Variants in COL13A1 observed in about 807,000 individuals in gnomAD.
COL13A1 encodes the protein collagen type XIII alpha 1 chain, also known as collagen alpha-1(XIII) chain.
Under a neutral mutation model 130.9 loss-of-function variants are expected in COL13A1, and 89 were observed. The observed-to-expected ratio is 0.68, with a 90% CI of 0.57 to 0.81. The LOEUF (loss-of-function observed/expected upper bound fraction) is 0.81, where lower values mean the gene tolerates loss of function less well. Among genes scored for constraint, COL13A1 ranks in the 30% least tolerant of loss-of-function variants. The pLI is 0.00. For synonymous variants in COL13A1, 402 were observed against 341.6 expected (o/e 1.18, Z -1.95); for missense variants, 879 against 934.6 (o/e 0.94, Z 0.78).
Position 69,922,816 on chromosome 10 carries a change from T to C in COL13A1, c.1230+22T>C, listed in dbSNP as rs781151537. ...AAAGGTGAGTGTTCCCTGGAATTGG[T>C]GTTGGGGAGGTGCTTACCTGGGGAC... On this transcript the variant is annotated intron_variant, in intron 23 of 40. Transcript: ENST00000645393. 5.9e-6 allele frequency: 9 copies of C among 1,523,660 alleles called. No homozygotes were observed. In the Admixed American group the frequency reaches 1.4e-4, roughly 24 times the overall value. The allele number at this position is 1,523,660 out of a possible 1,614,324, so 94.4% of individuals were successfully genotyped here.
chr10:69,823,161 AC>A (rs1846548407), intron 2 of COL13A1, among the ~76,000 whole-genome samples: 2 of 152,320 alleles, frequency 1.3e-5, no homozygotes, highest in East Asian at 1.9e-4. Flanking sequence ...ACAGCTGCGT[AC>A]TAAGGACCTG....
intron 39 of COL13A1, among the ~76,000 whole-genome samples, chr10:69,953,782 C>T (rs549582237): frequency 1.3e-5 from 2 of 152,296 alleles, no homozygotes; most frequent in African/African-American, 4.8e-5. Context: ...AAAGAGAGCA[C>T]AAAAGCTGGA....
intron 17 of COL13A1, among the ~76,000 whole-genome samples, chr10:69,908,252 C>T (rs990181264): frequency 2.0e-5 from 3 of 152,194 alleles, no homozygotes; most frequent in South Asian, 2.1e-4. Flanking sequence ...GTTGCCATAA[C>T]CACATGGCTT....
At chr10:69,924,596 G>T (rs183896937) in intron 24 of COL13A1, among the ~76,000 whole-genome samples, 175 of 152,152 alleles carry the variant, frequency 1.2e-3, no homozygotes, top group South Asian at 5.6e-3. Context: ...TTGGCAAAAA[G>T]CTGCTGAGTC....
rs199957910 is a variant in COL13A1 at position 69,949,984 on chromosome 10, A to G, written c.2058+2642A>G. On this transcript the variant is annotated intron_variant, in intron 38 of 40. Transcript: ENST00000645393. ...TGTGTGCGTGTGTGTGTGTGTGTGC[A>G]TGTGTTTGTGTGTGCGTGTGTGTGT... Among the ~76,000 whole-genome samples the G allele has an allele frequency of 2.7e-5, 4 of 147,018 alleles. No individual in the cohort carries two copies. The East Asian group carries it at 6.2e-4, about 23-fold the overall frequency.
intron 17 of COL13A1, among the ~76,000 whole-genome samples, chr10:69,913,341 C>A (rs984219811): frequency 6.6e-6 from 1 of 152,194 alleles, no homozygotes; most frequent in Non-Finnish European, 1.5e-5. Flanking sequence ...CAAGAGGGGG[C>A]AGAGATAGAG....
chr10:69,927,149 CG>C (rs3215785), intron 27 of COL13A1, 39 bp downstream of exon 27: 449,292 of 1,612,164 alleles, frequency 0.28, 63,547 homozygotes, highest in Middle Eastern at 0.37. Flanking sequence ...GGGCACTGGA[CG>C]GGGGGGCTGG....
At chr10:69,913,932 T>C (rs1315620922) in intron 17 of COL13A1, among the ~76,000 whole-genome samples, 4 of 151,848 alleles carry the variant, frequency 2.6e-5, no homozygotes, top group Non-Finnish European at 4.4e-5. Context: ...ATTAAGAGAA[T>C]TGACCCAGAG....
chr10:69,867,935 G>A lies in COL13A1; in HGVS notation c.372+130G>A, dbSNP rs1589174848. The stretch of plus-strand genomic sequence containing the variant: ...TTGGGGGCCTATGCAGGCTCCTGAG[G>A]GGTCCCTCCAGAATGCCTCTTGTGG... On this transcript the variant is annotated intron_variant, in intron 3 of 40. Coordinates refer to ENST00000645393, the MANE Select transcript of COL13A1 (RefSeq NM_001368882.1). 3 of 661,628 alleles carry A rather than the reference G, an allele frequency of 4.5e-6. No homozygotes were observed. In the Admixed American group the frequency reaches 7.2e-5, roughly 16 times the overall value. The allele number at this position is 661,628 out of a possible 1,614,324, so 41.0% of individuals were successfully genotyped here.
At chr10:69,840,357 G>A (rs767998724) in intron 2 of COL13A1, among the ~76,000 whole-genome samples, 4 of 152,180 alleles carry the variant, frequency 2.6e-5, no homozygotes, top group Admixed American at 6.5e-5. Flanking sequence ...GTCCCCCAGC[G>A]TGGAGTCCAC....
intron 17 of COL13A1, among the ~76,000 whole-genome samples, chr10:69,910,027 A>T (rs1310907594): frequency 1.3e-5 from 2 of 152,212 alleles, no homozygotes; most frequent in Admixed American, 1.3e-4. Flanking sequence ...GAAGTTGAAT[A>T]TCTGCTCAGG....
In COL13A1 at chr10:69,928,925, T is replaced by A. The variant is rs756137182; in HGVS notation, c.1423-12T>A. On this transcript the variant is annotated splice_polypyrimidine_tract_variant and intron_variant, in intron 27 of 40. Coordinates refer to ENST00000645393, the MANE Select transcript of COL13A1 (RefSeq NM_001368882.1). ...GGACAGTTCTTCCATGTGTCTTTCCTTTCTCTCCTAGGGGCCTCCTGGTCT... is the reference window on the plus strand; with the variant it reads ...GGACAGTTCTTCCATGTGTCTTTCCATTCTCTCCTAGGGGCCTCCTGGTCT... 8.3e-5 allele frequency: 134 copies of A among 1,610,738 alleles called. No homozygotes were observed. In the Admixed American group the frequency reaches 8.5e-4, roughly 10 times the overall value.
At chr10:69,937,415 C>T in intron 33 of COL13A1, among the ~76,000 whole-genome samples, 1 of 152,154 alleles carries the variant, frequency 6.6e-6, no homozygotes, top group East Asian at 1.9e-4. Flanking sequence ...CCACCTAGTC[C>T]TTTTCTCTGT....
intron 14 of COL13A1, among the ~76,000 whole-genome samples, chr10:69,901,208 C>G (rs1343269089): frequency 1.3e-5 from 2 of 152,164 alleles, no homozygotes; most frequent in Admixed American, 6.5e-5. Context: ...GCAGTCAGGG[C>G]AGCTGCCACA....
intron 2 of COL13A1, among the ~76,000 whole-genome samples, chr10:69,833,547 A>G (rs994366437): frequency 2.6e-5 from 4 of 152,218 alleles, no homozygotes; most frequent in Non-Finnish European, 4.4e-5. Context: ...AAACAGAAGC[A>G]TAGGCATCTA....
chr10:69,925,935 G>C, intron 26 of COL13A1, 63 bp downstream of exon 26: 2 of 1,389,290 alleles, frequency 1.4e-6, no homozygotes, highest in South Asian at 2.5e-5. Flanking sequence ...ACCATGCCCT[G>C]ATCAGGGGGC....
At chr10:69,830,548 A>G (rs981653690) in intron 2 of COL13A1, among the ~76,000 whole-genome samples, 1 of 152,196 alleles carries the variant, frequency 6.6e-6, no homozygotes, top group African/African-American at 2.4e-5. Flanking sequence ...AACACAATAC[A>G]ATCTTCAACA....
chr10:69,818,134 A>T (rs1281544653), intron 1 of COL13A1, among the ~76,000 whole-genome samples: 1 of 152,062 alleles, frequency 6.6e-6, no homozygotes, highest in Non-Finnish European at 1.5e-5. Flanking sequence ...CAAACTCGCC[A>T]TCTTCCCACA....
chr10:69,802,772 G>T (rs944909908), intron 1 of COL13A1, 55 bp downstream of exon 1: 181 of 1,598,360 alleles, frequency 1.1e-4, no homozygotes, highest in Non-Finnish European at 1.5e-4. Flanking sequence ...CCCTCGCGCA[G>T]CCTCCAGACT....
Sources: allele counts gnomAD v4.1 joint callset (sites outside exome capture counted in the v4.1 genomes callset), GRCh38; gene constraint gnomAD v4.1.1; transcripts MANE v1.5; gene names NCBI Gene and HGNC (gene_info 2026-07-23, HGNC 2026-07-21).